MAP3K7: variants seen among roughly 807,000 people sequenced by gnomAD.
The protein encoded by MAP3K7 is mitogen-activated protein kinase kinase kinase 7, also known as TGF-beta activated kinase 1.
Under a neutral mutation model 84.8 loss-of-function variants are expected in MAP3K7, and 21 were observed. The observed-to-expected ratio is 0.25, with a 90% CI of 0.18 to 0.36. The LOEUF (loss-of-function observed/expected upper bound fraction) is 0.36, where lower values mean the gene tolerates loss of function less well. MAP3K7 is among the 10% of genes least tolerant of loss of function. The probability of loss-of-function intolerance (pLI) is 1.00; values close to 1 mark genes in which losing one functional copy is unlikely to be tolerated. For missense variants in MAP3K7, 503 were observed against 747.7 expected (o/e 0.67, Z 3.82); for synonymous variants, 241 against 247.7 (o/e 0.97, Z 0.25).
intron 12 of MAP3K7, among the ~76,000 whole-genome samples, chr6:90,544,136 C>T (rs1775932205): frequency 6.6e-6 from 1 of 152,148 alleles, no homozygotes; most frequent in Admixed American, 6.6e-5. Context: ...GAGGTTAGGA[C>T]AGAAAGTCTA....
At chr6:90,563,297 A>C (rs1366245803) in intron 3 of MAP3K7, among the ~76,000 whole-genome samples, 2 of 152,198 alleles carry the variant, frequency 1.3e-5, no homozygotes, top group African/African-American at 4.8e-5. Flanking sequence ...GGATGTTTGA[A>C]CCCATCACAA....
chr6:90,550,792 A>G, intron 8 of MAP3K7: 1 of 335,608 alleles, frequency 3.0e-6, no homozygotes, highest in Non-Finnish European at 5.5e-6. Context: ...TTCTCTAGAG[A>G]AACATATGAA....
chr6:90,527,743 G>A lies in MAP3K7; in HGVS notation c.1357-3960C>T, dbSNP rs922047766. ...GTTCCATTCCTTAAGCTGGGTGGTG[G>A]GTTCACAAGTGCTCATTTTATTTTC... On this transcript the variant is annotated intron_variant, in intron 13 of 16. Coordinates refer to ENST00000369329, the MANE Select transcript of MAP3K7 (RefSeq NM_145331.3). 1.1e-4 allele frequency among the ~76,000 whole-genome samples: 16 copies of A among 152,010 alleles called. No individual in the cohort carries two copies. The South Asian group carries it at 1.2e-3, about 12-fold the overall frequency.
At chr6:90,550,690 T>C in intron 8 of MAP3K7, 141 bp from the exon 9 acceptor site, 1 of 539,840 alleles carries the variant, frequency 1.9e-6, no homozygotes, top group Non-Finnish European at 3.2e-6. Context: ...AATAATGTAC[T>C]CTTGGATTTC....
intron 1 of MAP3K7, among the ~76,000 whole-genome samples, chr6:90,579,252 CCTT>C: frequency 6.6e-6 from 1 of 152,290 alleles, no homozygotes; most frequent in African/African-American, 2.4e-5. Context: ...GCCCTAATCT[CCTT>C]TAAGAAAAGA....
intron 3 of MAP3K7, among the ~76,000 whole-genome samples, chr6:90,562,333 GC>G (rs1478626199): frequency 1.3e-5 from 2 of 152,174 alleles, no homozygotes; most frequent in African/African-American, 4.8e-5. Flanking sequence ...GACAAGGGAA[GC>G]TGTGACAGAT....
At chr6:90,530,968 A>C (rs988345943) in intron 13 of MAP3K7, among the ~76,000 whole-genome samples, 1 of 152,210 alleles carries the variant, frequency 6.6e-6, no homozygotes, top group Non-Finnish European at 1.5e-5. Flanking sequence ...AGACATTTAA[A>C]ATTACTTATT....
chr6:90,545,752 T>TCTTCCCTTCTGTC, intron 11 of MAP3K7, among the ~76,000 whole-genome samples: 1 of 152,296 alleles, frequency 6.6e-6, no homozygotes, highest in South Asian at 2.1e-4. Flanking sequence ...GCAATAGTAC[T>TCTTCCCTTCTGTC]CTGATTTTAT....
At chr6:90,567,235 C>A (rs1776738810) in intron 3 of MAP3K7, among the ~76,000 whole-genome samples, 2 of 152,162 alleles carry the variant, frequency 1.3e-5, no homozygotes, top group South Asian at 4.1e-4. Flanking sequence ...AACTAACGAG[C>A]TTCTGCACAG....
In MAP3K7 at chr6:90,547,203, T is replaced by C. The variant is rs945595522; in HGVS notation, c.1210+55A>G. On this transcript the variant is annotated intron_variant, in intron 11 of 16. Coordinates refer to ENST00000369329, the MANE Select transcript of MAP3K7 (RefSeq NM_145331.3). ...AAACCTTTGACAACTGAAACTACCA[T>C]GGCCAAAAAGGCTTATATACATTTT... The C allele has an allele frequency of 6.3e-6, 10 of 1,590,178 alleles. No homozygotes were observed. In the African/African-American group the frequency reaches 9.6e-5, roughly 15 times the overall value.
At position 90,574,823 on chromosome 6, in the gene MAP3K7, GAAAA is replaced by G. The variant is rs1777019863; in HGVS notation, c.121-3020_121-3017del. Among the ~76,000 whole-genome samples the G allele has an allele frequency of 3.9e-5, 6 of 152,192 alleles. 1 individual carries two copies. In the South Asian group the frequency reaches 1.2e-3, roughly 32 times the overall value. On this transcript the variant is annotated intron_variant, in intron 1 of 16. Transcript: ENST00000369329. ...ACAAAATGTGGTCAAATGAGGACATGAAAAACTTTCTCCTTTTTGCTCAAGAAAG... is the reference window on the plus strand; with the variant it reads ...ACAAAATGTGGTCAAATGAGGACATGACTTTCTCCTTTTTGCTCAAGAAAG...
chr6:90,557,663 T>C (rs1367381283), intron 5 of MAP3K7, among the ~76,000 whole-genome samples: 3 of 152,200 alleles, frequency 2.0e-5, no homozygotes, highest in East Asian at 1.9e-4. Flanking sequence ...CCTTGTTTTA[T>C]ACTGGTATAT....
At chr6:90,533,929 T>C (rs1775585443) in intron 13 of MAP3K7, among the ~76,000 whole-genome samples, 1 of 152,168 alleles carries the variant, frequency 6.6e-6, no homozygotes, top group South Asian at 2.1e-4. Flanking sequence ...CCTGAATTAA[T>C]GAAAAAACCA....
At chr6:90,573,990 T>C (rs1776988696) in intron 1 of MAP3K7, among the ~76,000 whole-genome samples, 1 of 152,240 alleles carries the variant, frequency 6.6e-6, no homozygotes, top group African/African-American at 2.4e-5. Context: ...GGGTACTGGC[T>C]ACCTGGTACC....
At chr6:90,545,571 C>T (rs1246246695) in intron 11 of MAP3K7, among the ~76,000 whole-genome samples, 2 of 152,034 alleles carry the variant, frequency 1.3e-5, no homozygotes, top group Non-Finnish European at 2.9e-5. Context: ...GAGTAGGGTT[C>T]ATCTGACACT....
chr6:90,552,243 T>C (rs1308083237), intron 7 of MAP3K7, 64 bp from the exon 8 acceptor site: 2 of 1,421,652 alleles, frequency 1.4e-6, no homozygotes, highest in Non-Finnish European at 1.9e-6. Flanking sequence ...TGCAAACTCT[T>C]TGTACGTATT....
chr6:90,535,878 G>T (rs1267047941), intron 13 of MAP3K7, among the ~76,000 whole-genome samples: 2 of 152,108 alleles, frequency 1.3e-5, no homozygotes, highest in Middle Eastern at 3.2e-3. Flanking sequence ...TAATCCAGTG[G>T]ATATGCCAAG....
In MAP3K7 at chr6:90,525,882, A is replaced by G. The variant is rs369529949; in HGVS notation, c.1357-2099T>C. Among the ~76,000 whole-genome samples, 23 of 151,706 alleles carry G rather than the reference A, an allele frequency of 1.5e-4. 2 individuals carry two copies. The highest frequency in any genetic ancestry group is 4.6e-4 in the African/African-American group (19 of 41,336). ...GTGCCTGGCCAACAATTCAAAATTT[A>G]TATGCTGTACATATAAACACATAAA... On this transcript the variant is annotated intron_variant, in intron 13 of 16. Transcript: ENST00000369329.
At chr6:90,519,141 G>A (rs1468335942) in intron 15 of MAP3K7, 117 bp downstream of exon 15, 2 of 649,818 alleles carry the variant, frequency 3.1e-6, no homozygotes, top group Admixed American at 3.3e-5. Flanking sequence ...GTTTAAGGAG[G>A]CCAACTAAAA....
Sources: allele counts gnomAD v4.1 joint callset (sites outside exome capture counted in the v4.1 genomes callset), GRCh38; gene constraint gnomAD v4.1.1; transcripts MANE v1.5; gene names NCBI Gene and HGNC (gene_info 2026-07-23, HGNC 2026-07-21).